MMP28: variants seen among roughly 807,000 people sequenced by gnomAD.
MMP28 encodes the protein matrix metallopeptidase 28.
MMP28 carries 55 observed loss-of-function variants against 60.5 expected under a neutral mutation model. The ratio of observed to expected loss-of-function variants is 0.91; its 90% CI spans 0.73 to 1.14. The LOEUF is 1.14. MMP28 is among the 50% of genes most tolerant of loss of function. The probability of loss-of-function intolerance (pLI) is 0.00; values close to 1 mark genes in which losing one functional copy is unlikely to be tolerated. For synonymous variants in MMP28, 318 were observed against 312.5 expected (o/e 1.02, Z -0.18); for missense variants, 686 against 738.3 (o/e 0.93, Z 0.82).
At position 35,766,297 on chromosome 17, in the gene MMP28, C is replaced by T; in HGVS notation, c.*203G>A. ...TTTGCTTTTCCTAAGATTGATCCCA[C>T]CCCCACCTCCATGTGGTGGGGACAG... On this transcript the variant is annotated 3_prime_UTR_variant, in exon 8 of 8. Coordinates refer to ENST00000605424, the MANE Select transcript of MMP28 (RefSeq NM_024302.5). The surrounding 1 kb of genome is among the most constrained non-coding windows in gnomAD (Gnocchi z 4.3). 7.4e-7 allele frequency: 1 copy of T among 1,355,246 alleles called. No individual in the cohort carries two copies. The highest frequency in any genetic ancestry group is 9.5e-7 in the Non-Finnish European group (1 of 1,054,584). 84.0% of individuals were successfully genotyped at this position (1,355,246 alleles called of 1,614,324 possible).
chr17:35,770,394 GGT>G, intron 4 of MMP28, 82 bp from the exon 5 acceptor site: 4 of 1,414,848 alleles, frequency 2.8e-6, no homozygotes, highest in South Asian at 1.5e-5. Flanking sequence ...ATGCCACTGG[GGT>G]GTGTGTGGCT....
At chr17:35,765,538 C>T (rs966985200), downstream of MMP28, among the ~76,000 whole-genome samples, 26 of 152,226 alleles carry the variant, frequency 1.7e-4, no homozygotes, top group Admixed American at 1.3e-4. Context: ...CTGGAGAATG[C>T]GGCCACTGTG....
At chr17:35,794,993 G>T (rs1294336269) in intron 1 of MMP28, among the ~76,000 whole-genome samples, 7 of 152,202 alleles carry the variant, frequency 4.6e-5, no homozygotes, top group African/African-American at 1.7e-4. Context: ...GCCAAACTAG[G>T]GTAGGATGTC....
chr17:35,773,071 G>T, intron 4 of MMP28, 109 bp downstream of exon 4: 2 of 941,694 alleles, frequency 2.1e-6, no homozygotes, highest in Non-Finnish European at 3.2e-6. Flanking sequence ...AGGGAGATGT[G>T]CCTCAGCCAA....
downstream of MMP28, among the ~76,000 whole-genome samples, chr17:35,761,424 T>G (rs1194196785): frequency 2.6e-5 from 4 of 151,346 alleles, no homozygotes; most frequent in Non-Finnish European, 5.9e-5. Context: ...TTTTTGTTTT[T>G]TTTTTTTTAG....
downstream of MMP28, among the ~76,000 whole-genome samples, chr17:35,761,774 G>T (rs188788000): frequency 6.6e-6 from 1 of 152,128 alleles, no homozygotes; most frequent in African/African-American, 2.4e-5. Flanking sequence ...GAGAGGCAAA[G>T]TCCAGATTCC....
Position 35,765,877 on chromosome 17 carries a change from G to A in MMP28, c.*623C>T, listed in dbSNP as rs973211893. The A allele has an allele frequency of 1.5e-5, 15 of 985,244 alleles. No homozygotes were observed. Among genetic ancestry groups the A allele is most frequent in the Admixed American group, 1.2e-4 (2 of 16,248 alleles). The allele number at this position is 985,244 out of a possible 1,614,324, so 61.0% of individuals were successfully genotyped here. ...CAAGGAAGGCTGCTTCCTGCCTCTC[G>A]GCCCACCAGCTGAAGGCACCTCTTT... On this transcript the variant is annotated 3_prime_UTR_variant, in exon 8 of 8. Transcript: ENST00000605424.
chr17:35,787,849 C>T lies in MMP28; in HGVS notation c.111+7418G>A, dbSNP rs552856543. ...CTAGGTGTAACCTAGATACCTCTTG[C>T]TATAATCCCTGCTCCTTCTTTCTCT... is the stretch of plus-strand genomic sequence containing the variant. On this transcript the variant is annotated intron_variant, in intron 1 of 7. Transcript: ENST00000605424. Among the ~76,000 whole-genome samples the T allele has an allele frequency of 4.0e-5, 6 of 150,214 alleles. No homozygotes were observed. In the East Asian group the frequency reaches 1.2e-3, roughly 29 times the overall value.
Position 35,759,717 on chromosome 17 carries a change from C to G in MMP28, c.266-3298G>C, listed in dbSNP as rs587682843. Among the ~76,000 whole-genome samples, 842 of 151,260 alleles carry G rather than the reference C, an allele frequency of 5.6e-3. 5 individuals carry two copies. Among genetic ancestry groups the G allele is most frequent in the African/African-American group, 0.019 (790 of 41,092 alleles). On this transcript the variant is annotated intron_variant, in intron 2 of 2. Transcript: ENST00000615317. ...CTGTCCGCTACCCCCCACCGCCCCC[C>G]CAAAAAAGATTCAGGTTTCCTAAGC...
At chr17:35,779,981 T>C (rs536325203) in intron 1 of MMP28, among the ~76,000 whole-genome samples, 1 of 152,324 alleles carries the variant, frequency 6.6e-6, no homozygotes, top group Admixed American at 6.5e-5. Context: ...AGCTCTGCCA[T>C]GGCTGGGTTG....
chr17:35,764,432 G>C, downstream of MMP28: 1 of 1,539,670 alleles, frequency 6.5e-7, no homozygotes, highest in East Asian at 2.5e-5. Flanking sequence ...GCAGGAAGCG[G>C]AGCCTCCCGG....
rs1555608373 is a variant in MMP28 at position 35,778,974 on chromosome 17, C to A, written c.293G>T (p.Ser98Ile). The change falls in exon 3 of 8, where the codon AGT becomes ATT. Residue 98 changes from serine to isoleucine, a missense_variant. Physicochemically the swap from Ser to Ile is moderately radical, Grantham distance 142 (BLOSUM62 -2). Coordinates refer to ENST00000605424, the MANE Select transcript of MMP28 (RefSeq NM_024302.5). ...RPRCGVTDTN[S>I]YAAWAERISD... ...GATCCTCTCAGCCCAGGCCGCATAACTGTTGGTATCTGTAACCCCGCAGCG... is the reference window on the plus strand; with the variant it reads ...GATCCTCTCAGCCCAGGCCGCATAAATGTTGGTATCTGTAACCCCGCAGCG... 6.2e-7 allele frequency: 1 copy of A among 1,614,044 alleles called. No individual in the cohort carries two copies.
At chr17:35,771,175 G>C (rs890468629) in intron 4 of MMP28, among the ~76,000 whole-genome samples, 1 of 152,028 alleles carries the variant, frequency 6.6e-6, no homozygotes, top group Non-Finnish European at 1.5e-5. Flanking sequence ...GCTCACGCCT[G>C]TAATCCCAGC....
chr17:35,756,374 GTTAC>G (rs1177670269), exon 3 of MMP28: 3 of 984,042 alleles, frequency 3.0e-6, no homozygotes, highest in Non-Finnish European at 3.6e-6. Flanking sequence ...GGCCGTTGTT[GTTAC>G]TTACATAGTC....
chr17:35,776,857 C>G (rs111498696), intron 3 of MMP28, among the ~76,000 whole-genome samples: 12,199 of 152,032 alleles, frequency 0.08, 725 homozygotes, highest in South Asian at 0.17. Flanking sequence ...CCATTGCACT[C>G]CAGCATGAGT....
rs577636960 is a variant in MMP28, at chr17:35,784,109, C to A, written c.112-4786G>T. Among the ~76,000 whole-genome samples, 359 of 152,042 alleles carry A rather than the reference C, an allele frequency of 2.4e-3. 4 individuals are homozygous for A. The highest frequency in any genetic ancestry group is 3.8e-3 in the Non-Finnish European group (256 of 67,974). ...CAGCCTGGCTAACACGGTGAAACCC[C>A]GTCTCTACTAAAAACACAAAAAATT... On this transcript the variant is annotated intron_variant, in intron 1 of 7. Transcript: ENST00000605424.
At chr17:35,785,320 T>G (rs530480631) in intron 1 of MMP28, among the ~76,000 whole-genome samples, 13 of 152,310 alleles carry the variant, frequency 8.5e-5, no homozygotes, top group Non-Finnish European at 1.2e-4. Context: ...ATCATTGAAC[T>G]GGCAGGGCAA....
chr17:35,778,947 C>T lies in MMP28; in HGVS notation c.320G>A (p.Ser107Asn), dbSNP rs1555608352. The change falls in exon 3 of 8, where the codon AGT (serine) becomes AAT (asparagine). Residue 107 changes from serine (S) to asparagine (N), a missense_variant. Ser to Asn is a conservative substitution (Grantham distance 46). Coordinates refer to ENST00000605424, the MANE Select transcript of MMP28 (RefSeq NM_024302.5). ...GGTCCGGTGTCTAGCAAACAAGTCACTGATCCTCTCAGCCCAGGCCGCATA... is the reference window on the plus strand; with the variant it reads ...GGTCCGGTGTCTAGCAAACAAGTCATTGATCCTCTCAGCCCAGGCCGCATA... ...NSYAAWAERI[S>N]DLFARHRTKM... 1.2e-6 allele frequency: 2 copies of T among 1,614,082 alleles called. No individual in the cohort carries two copies. The highest frequency in any genetic ancestry group is 1.7e-6 in the Non-Finnish European group (2 of 1,179,910).
At chr17:35,756,584 C>T (rs1205978356) in intron 2 of MMP28, among the ~76,000 whole-genome samples, 9 of 151,592 alleles carry the variant, frequency 5.9e-5, no homozygotes, top group African/African-American at 2.2e-4. Flanking sequence ...GATTCTCCTG[C>T]CTCAGCTTCC....
Sources: allele counts gnomAD v4.1 joint callset (sites outside exome capture counted in the v4.1 genomes callset), GRCh38; gene constraint gnomAD v4.1.1; non-coding constraint Gnocchi (gnomAD v3.1); transcripts MANE v1.5; gene names NCBI Gene and HGNC (gene_info 2026-07-23, HGNC 2026-07-21).